CHEK1: variants seen among roughly 807,000 people sequenced by gnomAD.
CHEK1 encodes serine/threonine-protein kinase Chk1.
A neutral mutation model predicts 60.2 loss-of-function variants in CHEK1; 32 were observed. That is an observed-to-expected ratio of 0.53 (90% CI 0.40 to 0.71). CHEK1 has a LOEUF of 0.71. Ranked by LOEUF, CHEK1 falls within the 30% of genes least tolerant of loss-of-function variation. CHEK1 has a pLI of 0.00. For synonymous variants in CHEK1, 179 were observed against 187.2 expected (o/e 0.96, Z 0.36); for missense variants, 399 against 564.6 (o/e 0.71, Z 2.97).
chr11:125,661,694 C>T (rs866872412), downstream of CHEK1, among the ~76,000 whole-genome samples: 1 of 151,818 alleles, frequency 6.6e-6, no homozygotes, highest in Non-Finnish European at 1.5e-5. Context: ...TTGAGGGTTA[C>T]TCTAGCTATT....
chr11:125,634,186 G>A (rs1940976220), intron 6 of CHEK1, among the ~76,000 whole-genome samples: 1 of 151,726 alleles, frequency 6.6e-6, no homozygotes, highest in South Asian at 2.1e-4. Flanking sequence ...GTAGAGACAG[G>A]GTTTCACCAT....
chr11:125,681,072 A>G (rs1019337171), downstream of CHEK1: 1 of 214,322 alleles, frequency 4.7e-6, no homozygotes, highest in African/African-American at 2.3e-5. This position sits in a 1 kb window ranked among gnomAD's most constrained non-coding sequence, Gnocchi z 4.2. Context: ...TTAAAAAAAA[A>G]AAAAAAGTAT....
intron 5 of CHEK1, among the ~76,000 whole-genome samples, chr11:125,632,893 T>C (rs1292074202): frequency 6.6e-6 from 1 of 152,208 alleles, no homozygotes; most frequent in Non-Finnish European, 1.5e-5. Context: ...GACTCCAGCC[T>C]CTTTCTTTAA....
intron 11 of CHEK1, among the ~76,000 whole-genome samples, chr11:125,651,164 T>G (rs946417797): frequency 2.0e-5 from 3 of 152,118 alleles, no homozygotes; most frequent in African/African-American, 7.2e-5. Context: ...ACCAGTTGCT[T>G]TCATTGCTTC....
intron 13 of CHEK1, chr11:125,672,358 GA>G (rs201813703): frequency 1.6e-4 from 77 of 475,240 alleles, no homozygotes; most frequent in Middle Eastern, 5.6e-4. Context: ...GAAATTTATT[GA>G]AAAAAAAATC....
At chr11:125,641,643 G>A (rs1456313738) in intron 8 of CHEK1, among the ~76,000 whole-genome samples, 1 of 151,914 alleles carries the variant, frequency 6.6e-6, no homozygotes, top group Non-Finnish European at 1.5e-5. Flanking sequence ...TTCCCATGTT[G>A]GTTAATGGCA....
At chr11:125,661,353 C>T (rs779202282), downstream of CHEK1, among the ~76,000 whole-genome samples, 2 of 151,924 alleles carry the variant, frequency 1.3e-5, no homozygotes, top group Non-Finnish European at 2.9e-5. Context: ...ACTCTGTCAC[C>T]CAGGCTAGAG....
At chr11:125,664,684 G>A (rs1360192549) in intron 13 of CHEK1, among the ~76,000 whole-genome samples, 2 of 152,184 alleles carry the variant, frequency 1.3e-5, no homozygotes, top group African/African-American at 4.8e-5. Flanking sequence ...TTAATCCCTT[G>A]TCAGATGGAT....
rs1940573936 is a variant in CHEK1, at chr11:125,625,926, C to T, written c.-107C>T. ...TGTCTTGCTTTACGGCGCGGGTGCGCGAGTTTGCGGCAGCGTGACGCCCTC... is the reference window on the plus strand; with the variant it reads ...TGTCTTGCTTTACGGCGCGGGTGCGTGAGTTTGCGGCAGCGTGACGCCCTC... On this transcript the variant is annotated 5_prime_UTR_variant, in exon 1 of 13. An upstream open reading frame in the 5' UTR gains an earlier in-frame stop. Coordinates refer to ENST00000438015, the MANE Select transcript of CHEK1 (RefSeq NM_001114122.3). 1 of 702,606 alleles carries T rather than the reference C, an allele frequency of 1.4e-6. No homozygotes were observed. Among genetic ancestry groups the T allele is most frequent in the Non-Finnish European group, 2.6e-6 (1 of 385,000 alleles). 43.5% of individuals were successfully genotyped at this position (702,606 alleles called of 1,614,324 possible).
chr11:125,662,094 GTCATT>G (rs1482207005), downstream of CHEK1, among the ~76,000 whole-genome samples: 1 of 152,116 alleles, frequency 6.6e-6, no homozygotes, highest in Admixed American at 6.5e-5. Context: ...CTGTAATTTT[GTCATT>G]ATAAGAATGG....
At chr11:125,650,668 G>C (rs569096684) in intron 11 of CHEK1, among the ~76,000 whole-genome samples, 140 of 152,108 alleles carry the variant, frequency 9.2e-4, no homozygotes, top group African/African-American at 3.3e-3. Context: ...TGGCCAGGCT[G>C]GTCTCGAACT....
intron 8 of CHEK1, among the ~76,000 whole-genome samples, chr11:125,638,665 G>C (rs908811011): frequency 6.6e-6 from 1 of 152,052 alleles, no homozygotes; most frequent in African/African-American, 2.4e-5. Context: ...ATCTGGACAT[G>C]GTACAGGTGT....
downstream of CHEK1, among the ~76,000 whole-genome samples, chr11:125,660,134 C>A (rs1168737587): frequency 3.3e-5 from 5 of 152,192 alleles, no homozygotes; most frequent in East Asian, 7.7e-4. Context: ...ATGAATAAGG[C>A]TGCTGTGCAC....
At chr11:125,676,712 A>AT (rs1942529076), downstream of CHEK1, among the ~76,000 whole-genome samples, 1 of 151,790 alleles carries the variant, frequency 6.6e-6, no homozygotes, top group South Asian at 2.1e-4. Flanking sequence ...TCTCTCTAAT[A>AT]TTTTTACTCC....
intron 5 of CHEK1, 51 bp from the exon 6 acceptor site, chr11:125,633,106 GTATATC>G: frequency 6.8e-7 from 1 of 1,465,228 alleles, no homozygotes; most frequent in Non-Finnish European, 9.2e-7. Flanking sequence ...ATTCCTGTAA[GTATATC>G]TATTTGCAAA....
In CHEK1 at chr11:125,643,323, C is replaced by CAAA. The variant is rs67970826; in HGVS notation, c.815-451_815-449dup. 4.4e-3 allele frequency: 479 copies of CAAA among 107,856 alleles called. 10 individuals are homozygous for CAAA. The highest frequency in any genetic ancestry group is 0.01 in the Middle Eastern group (2 of 196). 6.7% of individuals were successfully genotyped at this position (107,856 alleles called of 1,614,324 possible). On this transcript the variant is annotated intron_variant, in intron 8 of 12. Transcript: ENST00000438015. ...TGAAACCCCATCTCTCCTAAAAATA[C>CAAA]AAAAAAAAAAAAAAAAAAAATTAGC...
At chr11:125,633,425 C>A (rs3731411) in intron 6 of CHEK1, 74 bp downstream of exon 6, 1 of 1,257,074 alleles carries the variant, frequency 8.0e-7, no homozygotes, top group Non-Finnish European at 1.1e-6. Flanking sequence ...TGAAATAAAC[C>A]AAGGAATTCA....
chr11:125,674,597 A>G lies in CHEK1; in HGVS notation c.*28-1331A>G, dbSNP rs190859497. Among the ~76,000 whole-genome samples, 29 of 152,324 alleles carry G rather than the reference A, an allele frequency of 1.9e-4. 1 individual carries two copies. Among genetic ancestry groups the G allele is most frequent in the Admixed American group, 1.8e-3 (27 of 15,300 alleles). ...CACTCCTATTACCTTTTACTGAAAT[A>G]TTACAATAGCCCTTTAACAGGTTCT... On this transcript the variant is annotated intron_variant, in intron 13 of 13. Transcript: ENST00000428830.
intron 2 of CHEK1, 33 bp downstream of exon 2, chr11:125,626,866 A>T (rs1264928185): frequency 1.9e-6 from 3 of 1,605,830 alleles, no homozygotes; most frequent in Non-Finnish European, 2.6e-6. Context: ...TCGTTTTCTG[A>T]GTGCATATTC....
Sources: gnomAD v4.1 joint callset for allele counts (sites outside exome capture counted in the v4.1 genomes callset) on GRCh38, gnomAD v4.1.1 for gene constraint, Gnocchi (gnomAD v3.1) non-coding constraint, MANE v1.5 for transcripts, NCBI Gene and HGNC (gene_info 2026-07-23, HGNC 2026-07-21) for gene names.